ERLN: variants seen among roughly 807,000 people sequenced by gnomAD.
ERLN encodes endoregulin, also known as small integral membrane protein 6.
At chr17:75,647,848 C>T in the ERLN span, 1 of 344,492 alleles carries the variant, frequency 2.9e-6, no homozygotes, top group Non-Finnish European at 5.5e-6. Flanking sequence ...GGCTCCACTG[C>T]CTCAGGTGGA....
At chr17:75,646,592 G>A in the ERLN span, 4 of 151,210 alleles carry the variant, frequency 2.6e-5, no homozygotes, top group African/African-American at 9.8e-5. Flanking sequence ...TGTTTGTTTG[G>A]TGACAGCAAC....
At chr17:75,646,415 C>T in the ERLN span, 3 of 152,478 alleles carry the variant, frequency 2.0e-5, no homozygotes, top group Non-Finnish European at 4.4e-5. Flanking sequence ...TCGGTCCAGT[C>T]TCTTCCCCGT....
chr17:75,647,266 TCA>T, the ERLN span: 1 of 977,202 alleles, frequency 1.0e-6, no homozygotes. Context: ...GGCCGGCTGC[TCA>T]CAGAGGCTGC....
At chr17:75,647,450 T>C in the ERLN span, 2 of 1,550,178 alleles carry the variant, frequency 1.3e-6, no homozygotes, top group Non-Finnish European at 1.7e-6. Flanking sequence ...CAGGGGGGCC[T>C]GGCAGTGATT....
the ERLN span, chr17:75,647,552 G>A: frequency 6.5e-7 from 1 of 1,549,994 alleles, no homozygotes; most frequent in African/African-American, 1.4e-5. Context: ...TGTGAAGCGG[G>A]TGAAGAGGAG....
chr17:75,647,630 T>C, the ERLN span: 2 of 1,488,464 alleles, frequency 1.3e-6, no homozygotes, highest in Non-Finnish European at 1.8e-6. Flanking sequence ...ATTCCAGTGG[T>C]GGGCCCCTTC....
the ERLN span, chr17:75,647,418 G>A: frequency 2.3e-5 from 36 of 1,549,870 alleles, no homozygotes; most frequent in African/African-American, 2.7e-5. Context: ...GGAATGATGC[G>A]TTCTGGCAGA....
At chr17:75,647,440 CA>C in the ERLN span, 2 of 1,550,114 alleles carry the variant, frequency 1.3e-6, no homozygotes, top group Non-Finnish European at 1.7e-6. Context: ...CCCCTGGGAC[CA>C]GGGGGGCCTG....
At chr17:75,647,074 A>C in the ERLN span, among the ~76,000 whole-genome samples, 1 of 152,178 alleles carries the variant, frequency 6.6e-6, no homozygotes. Flanking sequence ...CCTTGCTCAC[A>C]CTTGCTACTC....
chr17:75,646,972 A>G, the ERLN span, among the ~76,000 whole-genome samples: 1 of 152,158 alleles, frequency 6.6e-6, no homozygotes, highest in Admixed American at 6.5e-5. Flanking sequence ...ATGCCTCCCA[A>G]ATGTTTGGCA....
chr17:75,647,518 C>G, the ERLN span: 1 of 1,550,378 alleles, frequency 6.5e-7, no homozygotes, highest in African/African-American at 1.4e-5. Context: ...GTTTGGTTTA[C>G]TCACTTCCAC....
the ERLN span, among the ~76,000 whole-genome samples, chr17:75,647,207 C>T: frequency 6.6e-6 from 1 of 152,176 alleles, no homozygotes; most frequent in Non-Finnish European, 1.5e-5. Flanking sequence ...TGGCTGCAGG[C>T]ATCCAGCACA....
At chr17:75,647,733 T>A in the ERLN span, 1 of 673,502 alleles carries the variant, frequency 1.5e-6, no homozygotes, top group Non-Finnish European at 2.5e-6. Flanking sequence ...TTAGGGTTGG[T>A]CAGACTAGTA....
chr17:75,647,537 C>T, the ERLN span: 1 of 1,550,334 alleles, frequency 6.5e-7, no homozygotes, highest in Non-Finnish European at 8.7e-7. Context: ...ACAGAAAACA[C>T]TCAGTGTGAA....
the ERLN span, chr17:75,647,551 G>A: frequency 6.5e-7 from 1 of 1,550,156 alleles, no homozygotes; most frequent in South Asian, 1.2e-5. Flanking sequence ...GTGTGAAGCG[G>A]GTGAAGAGGA....
At chr17:75,646,623 T>C in the ERLN span, 2 of 152,318 alleles carry the variant, frequency 1.3e-5, no homozygotes, top group East Asian at 1.9e-4. Context: ...TCAGGGCCGC[T>C]TGGCCACGCT....
chr17:75,647,259 CGGCTGCTCACAGA>C, the ERLN span: 15 of 877,678 alleles, frequency 1.7e-5, no homozygotes, highest in Admixed American at 3.7e-4. Flanking sequence ...CCAGGCGGGC[CGGCTGCTCACAGA>C]GGCTGCTACA....
the ERLN span, chr17:75,647,655 C>T: frequency 7.9e-7 from 1 of 1,264,722 alleles, no homozygotes; most frequent in South Asian, 1.4e-5. Flanking sequence ...TTCCCTCTGG[C>T]TCAGGGGCCA....
At chr17:75,647,562 G>C in the ERLN span, 2 of 1,550,066 alleles carry the variant, frequency 1.3e-6, no homozygotes. Context: ...GTGAAGAGGA[G>C]TGACCTGACT....
Sources: gnomAD v4.1 joint callset for allele counts (sites outside exome capture counted in the v4.1 genomes callset) on GRCh38, gnomAD v4.1.1 for gene constraint, MANE v1.5 for transcripts, NCBI Gene and HGNC (gene_info 2026-07-23, HGNC 2026-07-21) for gene names.